RALY: variants seen among roughly 807,000 people sequenced by gnomAD.
RALY encodes RALY heterogeneous nuclear ribonucleoprotein.
RALY carries 15 observed loss-of-function variants against 30.7 expected under a neutral mutation model. That is an observed-to-expected ratio of 0.49 (90% CI 0.33 to 0.75). The LOEUF (loss-of-function observed/expected upper bound fraction) is 0.75, where lower values mean the gene tolerates loss of function less well. RALY is among the 30% of genes least tolerant of loss of function. The probability of loss-of-function intolerance (pLI) is 0.02; values close to 1 mark genes in which losing one functional copy is unlikely to be tolerated. For missense variants in RALY, 339 were observed against 414.3 expected (o/e 0.82, Z 1.58); for synonymous variants, 177 against 170.8 (o/e 1.04, Z -0.28).
rs772704219 is a variant in RALY, at chr20:34,072,122, C to G, written c.48C>G (p.Pro16=). ...GCAATGTAACCAACAAGAATGACCC[C>G]AAGTCCATCAACTCTCGAGTCTTCA... ...QASNVTNKND[P]KSINSRVFIG... The change falls in exon 3 of 10, where the codon CCC becomes CCG. Residue 16 remains proline, a synonymous_variant. Transcript: ENST00000246194. The G allele has an allele frequency of 6.2e-7, 1 of 1,614,230 alleles. No homozygotes were observed.
At position 34,063,068 on chromosome 20, in the gene RALY, G is replaced by A. The variant is rs1883525; in HGVS notation, c.-9-8998G>A. Reference sequence around the variant, plus strand: ...AGATTATGAGACCAGCTCTGGTCTCGCACATATTCATCCTACCTCTGTCAT... The same window carrying A: ...AGATTATGAGACCAGCTCTGGTCTCACACATATTCATCCTACCTCTGTCAT... On this transcript the variant is annotated intron_variant, in intron 2 of 9. Transcript: ENST00000246194. 1.8e-4 allele frequency among the ~76,000 whole-genome samples: 27 copies of A among 152,302 alleles called. 1 individual carries two copies. In the South Asian group the frequency reaches 5.0e-3, roughly 28 times the overall value.
chr20:34,048,921 A>G (rs981892737), intron 2 of RALY, among the ~76,000 whole-genome samples: 2 of 151,716 alleles, frequency 1.3e-5, no homozygotes, highest in Non-Finnish European at 2.9e-5. Context: ...TCATTCATTC[A>G]GCCTTCAACA....
In RALY at chr20:34,053,383, A is replaced by ATTTTTTTTTTTTTTTTTTT. The variant is rs60912814; in HGVS notation, c.-9-18669_-9-18651dup. 2.8e-4 allele frequency among the ~76,000 whole-genome samples: 15 copies of ATTTTTTTTTTTTTTTTTTT among 54,140 alleles called. 5 individuals are homozygous for ATTTTTTTTTTTTTTTTTTT. The highest frequency in any genetic ancestry group is 7.1e-4 in the East Asian group (1 of 1,400). 35.5% of individuals were successfully genotyped at this position (54,140 alleles called of 152,430 possible). A position where few individuals can be genotyped will look rare whatever the true frequency, so the allele number is the denominator to read the frequency against. On this transcript the variant is annotated intron_variant, in intron 2 of 9. Transcript: ENST00000246194. ...GCCAACATTTAGTAGATGTTCAATA[A>ATTTTTTTTTTTTTTTTTTT]TTTTTTTTTTTTTTTTTTTTTTTTT...
At chr20:34,078,783 C>G (rs1162883468) in intron 9 of RALY, among the ~76,000 whole-genome samples, 5 of 152,120 alleles carry the variant, frequency 3.3e-5, no homozygotes, top group Admixed American at 6.5e-5. Flanking sequence ...GCGGGCCCAC[C>G]TAGCAAGGGT....
chr20:34,036,824 CT>C (rs1164961993), intron 2 of RALY, among the ~76,000 whole-genome samples: 6 of 150,530 alleles, frequency 4.0e-5, no homozygotes, highest in South Asian at 2.1e-4. Flanking sequence ...TAATTTGTGT[CT>C]TTTTTTTTCT....
Position 34,009,553 on chromosome 20 carries a change from T to A in RALY, c.-93+15422T>A, listed in dbSNP as rs1027528798. ...GCCCCAGCCTCTACCAGGGTTGTTA[T>A]ATTGTGACTCCTTGTACACTGGCTA... On this transcript the variant is annotated intron_variant, in intron 1 of 9. Coordinates refer to ENST00000246194, the MANE Select transcript of RALY (RefSeq NM_016732.3). Among the ~76,000 whole-genome samples, 6 of 152,218 alleles carry A rather than the reference T, an allele frequency of 3.9e-5. No individual in the cohort carries two copies. In the East Asian group the frequency reaches 9.7e-4, roughly 25 times the overall value.
chr20:33,996,893 C>A (rs2030658178), intron 1 of RALY, among the ~76,000 whole-genome samples: 1 of 152,142 alleles, frequency 6.6e-6, no homozygotes, highest in Admixed American at 6.5e-5. Flanking sequence ...TCCTTTTGTG[C>A]CTGCAAAGCT....
At chr20:34,016,276 A>G (rs1487553241) in intron 1 of RALY, among the ~76,000 whole-genome samples, 4 of 152,254 alleles carry the variant, frequency 2.6e-5, no homozygotes, top group Non-Finnish European at 5.9e-5. Context: ...CAGCCAAGCT[A>G]GCAGACTGTT....
intron 1 of RALY, among the ~76,000 whole-genome samples, chr20:34,012,668 A>G (rs2031452436): frequency 6.6e-6 from 1 of 152,222 alleles, no homozygotes; most frequent in African/African-American, 2.4e-5. Flanking sequence ...CATCTAAAAT[A>G]GGGAGACTAG....
intron 1 of RALY, among the ~76,000 whole-genome samples, chr20:34,009,127 C>T (rs192869524): frequency 9.8e-4 from 149 of 152,148 alleles, no homozygotes; most frequent in African/African-American, 3.3e-3. Context: ...TAGAGCCTGA[C>T]GCTGACCATG....
intron 1 of RALY, among the ~76,000 whole-genome samples, chr20:34,013,277 G>A (rs1391540738): frequency 6.6e-6 from 1 of 151,878 alleles, no homozygotes; most frequent in Non-Finnish European, 1.5e-5. Context: ...CTCGCATAAT[G>A]GGGCATTCCT....
chr20:34,026,372 C>CATTT (rs754992777), intron 1 of RALY, among the ~76,000 whole-genome samples: 1 of 141,310 alleles, frequency 7.1e-6, no homozygotes, highest in Non-Finnish European at 1.5e-5. Context: ...AGACCTCAGA[C>CATTT]ATTTTATTTA....
intron 2 of RALY, among the ~76,000 whole-genome samples, chr20:34,048,389 CAT>C (rs1451859515): frequency 3.3e-5 from 5 of 152,124 alleles, no homozygotes; most frequent in African/African-American, 9.7e-5. Context: ...TAGGACTTCA[CAT>C]GAGTCTAAGT....
At chr20:34,046,137 ACT>A (rs1298630032) in intron 2 of RALY, among the ~76,000 whole-genome samples, 2 of 152,100 alleles carry the variant, frequency 1.3e-5, no homozygotes, top group Non-Finnish European at 2.9e-5. Context: ...CATGTTGCTA[ACT>A]CTGCATCCTT....
In RALY at chr20:34,016,371, A is replaced by C. The variant is rs1159468065; in HGVS notation, c.-92-15151A>C. On this transcript the variant is annotated intron_variant, in intron 1 of 9. Coordinates refer to ENST00000246194, the MANE Select transcript of RALY (RefSeq NM_016732.3). ...GGGTAGGGGAGGACTGGATCAGACA[A>C]TAGTGGGCTACCTCTGAATGTTACT... 5.3e-5 allele frequency: 8 copies of C among 152,262 alleles called. No individual in the cohort carries two copies. In the East Asian group the frequency reaches 1.5e-3, roughly 29 times the overall value. 9.4% of individuals were successfully genotyped at this position (152,262 alleles called of 1,614,324 possible).
chr20:34,029,857 T>A (rs1014016060), intron 1 of RALY: 24 of 152,342 alleles, frequency 1.6e-4, no homozygotes, highest in Non-Finnish European at 2.9e-4. Flanking sequence ...ACTCATGACT[T>A]GGAGCAACTT....
At chr20:34,078,107 C>T (rs1350838420) in intron 8 of RALY, among the ~76,000 whole-genome samples, 2 of 152,230 alleles carry the variant, frequency 1.3e-5, no homozygotes, top group South Asian at 2.1e-4. Flanking sequence ...CTCATCTCTC[C>T]TTTGAGCGTA....
intron 2 of RALY, among the ~76,000 whole-genome samples, chr20:34,052,893 C>A (rs550853263): frequency 1.3e-5 from 2 of 152,240 alleles, no homozygotes; most frequent in East Asian, 1.9e-4. Context: ...CCTCTGTCAC[C>A]GTCTCCATCA....
At chr20:34,022,553 C>G (rs2031869471) in intron 1 of RALY, among the ~76,000 whole-genome samples, 2 of 152,178 alleles carry the variant, frequency 1.3e-5, no homozygotes, top group South Asian at 4.1e-4. Flanking sequence ...CTTTATCCCT[C>G]AGTCACCTTT....
Sources: allele counts gnomAD v4.1 joint callset (sites outside exome capture counted in the v4.1 genomes callset), GRCh38; gene constraint gnomAD v4.1.1; transcripts MANE v1.5; gene names NCBI Gene and HGNC (gene_info 2026-07-23, HGNC 2026-07-21).